BRD7: variants seen among roughly 807,000 people sequenced by gnomAD.
BRD7 encodes bromodomain-containing protein 7.
Under a neutral mutation model 82.1 loss-of-function variants are expected in BRD7, and 15 were observed. The ratio of observed to expected loss-of-function variants is 0.18; its 90% CI spans 0.12 to 0.28. The LOEUF (loss-of-function observed/expected upper bound fraction) is 0.28. BRD7 is among the 10% of genes least tolerant of loss of function. The probability of loss-of-function intolerance (pLI) is 1.00; values close to 1 mark genes in which losing one functional copy is unlikely to be tolerated. For missense variants in BRD7, 638 were observed against 779.9 expected, an observed-to-expected ratio of 0.82 and a Z score of 2.17; for synonymous variants, 232 against 266.9, an observed-to-expected ratio of 0.87 and a Z score of 1.27.
intron 8 of BRD7, among the ~76,000 whole-genome samples, chr16:50,330,161 T>C (rs1438349815): frequency 6.6e-6 from 1 of 152,238 alleles, no homozygotes; most frequent in Non-Finnish European, 1.5e-5. Context: ...TTGTATTACC[T>C]GATCTCTTCA....
At chr16:50,362,757 G>T (rs1359920420) in intron 2 of BRD7, among the ~76,000 whole-genome samples, 2 of 152,180 alleles carry the variant, frequency 1.3e-5, no homozygotes, top group Non-Finnish European at 2.9e-5. Flanking sequence ...GACAGAAAGT[G>T]GAATGGTGGT....
In BRD7 at chr16:50,365,563, A is replaced by G. The variant is rs2039110072; in HGVS notation, c.258+2527T>C. Among the ~76,000 whole-genome samples, 3 of 152,360 alleles carry G rather than the reference A, an allele frequency of 2.0e-5. No individual in the cohort carries two copies. The South Asian group carries it at 6.2e-4, about 32-fold the overall frequency. On this transcript the variant is annotated intron_variant, in intron 2 of 16. Coordinates refer to ENST00000394688, the MANE Select transcript of BRD7 (RefSeq NM_013263.5). ...CAGGGCAGGGAGCAAAAGAAAACTT[A>G]GGAGAAAAAAACAGGAAAAAACTTC...
At chr16:50,335,492 C>T (rs886281894) in intron 6 of BRD7, among the ~76,000 whole-genome samples, 2 of 152,138 alleles carry the variant, frequency 1.3e-5, no homozygotes, top group Non-Finnish European at 2.9e-5. Context: ...CTTAATTTTT[C>T]GCTGCAATGA....
In BRD7 at chr16:50,319,079, G is replaced by T; in HGVS notation, c.*132C>A. 6.8e-6 allele frequency: 6 copies of T among 882,788 alleles called. No individual in the cohort carries two copies. The South Asian group carries it at 9.0e-5, about 13-fold the overall frequency. 54.7% of individuals were successfully genotyped at this position (882,788 alleles called of 1,614,324 possible). On this transcript the variant is annotated 3_prime_UTR_variant, in exon 17 of 17. Coordinates refer to ENST00000394688, the MANE Select transcript of BRD7 (RefSeq NM_013263.5). ...TTACCTAATACAAGTCCAACCTCTG[G>T]AACATCCAAATTCGCTGTTCCAAAG...
chr16:50,328,855 A>C (rs1001530107), intron 8 of BRD7, 111 bp from the exon 9 acceptor site: 5 of 907,320 alleles, frequency 5.5e-6, no homozygotes, highest in Non-Finnish European at 8.5e-6. Flanking sequence ...AGATTTTCCC[A>C]GATTTTGGAA....
chr16:50,358,361 T>A (rs2038818506), intron 2 of BRD7, among the ~76,000 whole-genome samples: 1 of 786 alleles, frequency 1.3e-3, no homozygotes, highest in Non-Finnish European at 5.8e-3. Flanking sequence ...CCAGGAGTTT[T>A]GGTGTGCACC....
chr16:50,359,846 A>C (rs2038875066), intron 2 of BRD7, among the ~76,000 whole-genome samples: 2 of 152,068 alleles, frequency 1.3e-5, no homozygotes, highest in Non-Finnish European at 2.9e-5. Flanking sequence ...AGGAGAAAGA[A>C]TCTAGCTAGG....
intron 14 of BRD7, 32 bp from the exon 15 acceptor site, chr16:50,320,423 T>A: frequency 1.9e-6 from 3 of 1,606,562 alleles, no homozygotes; most frequent in Non-Finnish European, 2.6e-6. Context: ...ACACTTCTGT[T>A]TGATCTTGTG....
At chr16:50,358,143 A>AT (rs1319875016) in intron 2 of BRD7, among the ~76,000 whole-genome samples, 1 of 152,172 alleles carries the variant, frequency 6.6e-6, no homozygotes, top group African/African-American at 2.4e-5. Flanking sequence ...TAAATGAATT[A>AT]ATTTGGTTGT....
At chr16:50,358,133 T>G (rs1597093168) in intron 2 of BRD7, among the ~76,000 whole-genome samples, 1 of 152,200 alleles carries the variant, frequency 6.6e-6, no homozygotes, top group East Asian at 1.9e-4. Flanking sequence ...AGATAAAATG[T>G]AAATGAATTA....
In BRD7 at chr16:50,317,918, A is replaced by AAAC. The variant is rs398070800; in HGVS notation, c.*1292_*1293insGTT. The AAAC allele has an allele frequency of 1.3e-5, 2 of 151,200 alleles. No homozygotes were observed. Among genetic ancestry groups the AAAC allele is most frequent in the Admixed American group, 6.6e-5 (1 of 15,138 alleles). 9.4% of individuals were successfully genotyped at this position (151,200 alleles called of 1,614,324 possible). On this transcript the variant is annotated 3_prime_UTR_variant, in exon 17 of 17. Transcript: ENST00000394688. The stretch of plus-strand genomic sequence containing the variant: ...CTAACAAACAAACAAACAAACAAAC[A>AAAC]GAAGAGAAGATCATTAACCACTGTA...
intron 2 of BRD7, among the ~76,000 whole-genome samples, 174 bp from the exon 3 acceptor site, chr16:50,355,096 G>GA (rs1460939741): frequency 5.9e-5 from 9 of 151,816 alleles, no homozygotes; most frequent in Admixed American, 1.3e-4. Context: ...GTTCACGAAG[G>GA]AAAAAACAAA....
rs762872868 is a variant in BRD7, at chr16:50,323,678, G to C, written c.1352C>G (p.Thr451Arg). 1.0e-4 allele frequency: 162 copies of C among 1,613,516 alleles called. No individual in the cohort carries two copies. Among genetic ancestry groups the C allele is most frequent in the Non-Finnish European group, 1.4e-4 (160 of 1,179,688 alleles). The change falls in exon 12 of 17, where the codon ACG (threonine) becomes AGG (arginine). Residue 451 changes from threonine (T) to arginine (R), a missense_variant. By Grantham distance (71) the Thr-to-Arg change is moderately conservative (BLOSUM62 -1). This residue lies in a region of BRD7 where 402 missense variants were observed against 500.8 expected (regional missense o/e 0.80). Coordinates refer to ENST00000394688, the MANE Select transcript of BRD7 (RefSeq NM_013263.5). Reference protein sequence around the residue: ...SDFSIHEFLATCQDYPYVMAD... With the variant: ...SDFSIHEFLARCQDYPYVMAD... ...CATGACATACGGATAATCTTGGCAC[G>C]TGGCCAAAAACTCATGGATGCTGCA...
chr16:50,333,359 T>C (rs528234415), intron 8 of BRD7, among the ~76,000 whole-genome samples: 5 of 152,306 alleles, frequency 3.3e-5, no homozygotes, highest in African/African-American at 9.6e-5. Context: ...CCACTGTAAG[T>C]TGAAAATATC....
intron 6 of BRD7, among the ~76,000 whole-genome samples, chr16:50,337,911 G>C (rs897848642): frequency 6.6e-6 from 1 of 152,116 alleles, no homozygotes; most frequent in East Asian, 1.9e-4. Context: ...GAAAGAAAGA[G>C]GGAGAGAGGG....
intron 9 of BRD7, 100 bp downstream of exon 9, chr16:50,328,569 A>G: frequency 1.0e-6 from 1 of 980,146 alleles, no homozygotes; most frequent in Non-Finnish European, 1.5e-6. Flanking sequence ...AATGACACAG[A>G]CTGATCAATA....
intron 5 of BRD7, among the ~76,000 whole-genome samples, chr16:50,341,112 A>C (rs1001969681): frequency 1.4e-5 from 2 of 146,396 alleles, no homozygotes; most frequent in African/African-American, 5.0e-5. Flanking sequence ...TTGGGCCATG[A>C]CTGTAAATAT....
rs1241972954 is a variant in BRD7, at chr16:50,318,190, T to G, written c.*1021A>C. The stretch of plus-strand genomic sequence containing the variant: ...TCATGAACTCACTAGAGATTAAAAG[T>G]AGACTCAAACAACTTGAAAATTTGA... On this transcript the variant is annotated 3_prime_UTR_variant, in exon 17 of 17. Transcript: ENST00000394688. 4 of 152,268 alleles carry G rather than the reference T, an allele frequency of 2.6e-5. No individual in the cohort carries two copies. Among genetic ancestry groups the G allele is most frequent in the Non-Finnish European group, 4.4e-5 (3 of 68,036 alleles). 9.4% of individuals were successfully genotyped at this position (152,268 alleles called of 1,614,324 possible).
chr16:50,354,365 G>C (rs756516617), intron 4 of BRD7, 60 bp downstream of exon 4: 180 of 1,400,802 alleles, frequency 1.3e-4, no homozygotes, highest in Non-Finnish European at 1.6e-4. Flanking sequence ...AATGTGGTTT[G>C]GATCCTACAC....
Sources: gnomAD v4.1 joint callset for allele counts (sites outside exome capture counted in the v4.1 genomes callset) on GRCh38, gnomAD v4.1.1 for gene constraint, gnomAD v4.1.1 regional missense constraint, MANE v1.5 for transcripts, NCBI Gene and HGNC (gene_info 2026-07-23, HGNC 2026-07-21) for gene names.